MTCH1: variants seen among roughly 807,000 people sequenced by gnomAD.
MTCH1 encodes mitochondrial carrier homolog 1.
Under a neutral mutation model 49.3 loss-of-function variants are expected in MTCH1, and 23 were observed. The observed-to-expected ratio is 0.47, with a 90% CI of 0.34 to 0.66. The LOEUF is 0.66. Among genes scored for constraint, MTCH1 ranks in the 30% least tolerant of loss-of-function variants. MTCH1 has a pLI of 0.01. For synonymous variants in MTCH1, 229 were observed against 215.2 expected, an observed-to-expected ratio of 1.06 and a Z score of -0.56; for missense variants, 397 against 532.1, an observed-to-expected ratio of 0.75 and a Z score of 2.50.
At chr6:36,985,089 A>G (rs1402056627) in intron 1 of MTCH1, among the ~76,000 whole-genome samples, 1 of 104,828 alleles carries the variant, frequency 9.5e-6, no homozygotes, top group Non-Finnish European at 1.9e-5. Flanking sequence ...CTCCCCCCAT[A>G]CGCGTCACCC....
At position 36,972,064 on chromosome 6, in the gene MTCH1, TC is replaced by T. The variant is rs1241955546; in HGVS notation, c.906+587del. The stretch of plus-strand genomic sequence containing the variant: ...AGGAGGGTGTATCGGACTGTACACT[TC>T]CTAGCAGATCTGAAAAAACTCAGAG... On this transcript the variant is annotated intron_variant, in intron 8 of 11. Transcript: ENST00000373627. The surrounding 1 kb of genome is among the most constrained non-coding windows in gnomAD (Gnocchi z 4.1). Among the ~76,000 whole-genome samples the T allele has an allele frequency of 2.0e-5, 3 of 152,222 alleles. No homozygotes were observed. In the East Asian group the frequency reaches 5.8e-4, roughly 29 times the overall value.
chr6:36,983,406 A>G (rs1049056676), intron 1 of MTCH1, among the ~76,000 whole-genome samples: 1 of 152,188 alleles, frequency 6.6e-6, no homozygotes, highest in African/African-American at 2.4e-5. Flanking sequence ...TTTAGTCAAC[A>G]CTATTTGGGA....
At chr6:36,971,410 T>C (rs988397618) in intron 8 of MTCH1, among the ~76,000 whole-genome samples, 4 of 152,158 alleles carry the variant, frequency 2.6e-5, no homozygotes, top group African/African-American at 9.7e-5. Flanking sequence ...GTCAGACAGC[T>C]GCCCACCTAG....
At chr6:36,978,875 C>CTTTTTTTTTT (rs11322816) in intron 2 of MTCH1, among the ~76,000 whole-genome samples, 2 of 100,420 alleles carry the variant, frequency 2.0e-5, no homozygotes, top group Non-Finnish European at 3.7e-5. Context: ...TCCCTCCCTC[C>CTTTTTTTTTT]TTTTTTTTTT....
At chr6:36,981,767 C>G in intron 1 of MTCH1, 95 bp from the exon 2 acceptor site, 1 of 1,014,228 alleles carries the variant, frequency 9.9e-7, no homozygotes, top group Non-Finnish European at 1.4e-6. Flanking sequence ...TTGCTTAACT[C>G]TTCTCCCACA....
chr6:36,972,900 A>G lies in MTCH1; in HGVS notation c.762-104T>C. On this transcript the variant is annotated intron_variant, in intron 7 of 11. Coordinates refer to ENST00000373627, the MANE Select transcript of MTCH1 (RefSeq NM_001271641.2). This position sits in a 1 kb window ranked among gnomAD's most constrained non-coding sequence, Gnocchi z 4.1. ...AGGGATGTTCCGAGCTCAAAATCTT[A>G]GCATATCCAATGGCACAGCCTTAGA... 8.4e-7 allele frequency: 1 copy of G among 1,192,244 alleles called. No homozygotes were observed. The highest frequency in any genetic ancestry group is 1.5e-5 in the South Asian group (1 of 65,880). The allele number at this position is 1,192,244 out of a possible 1,614,324, so 73.9% of individuals were successfully genotyped here. A position where few individuals can be genotyped will look rare whatever the true frequency, so the allele number is the denominator to read the frequency against.
Position 36,972,726 on chromosome 6 carries a change from T to C in MTCH1, c.832A>G (p.Asn278Asp). Residue 278 changes from asparagine (N) to aspartate (D), a missense_variant, in exon 8 of 12, where the codon AAT becomes GAT. By Grantham distance (23) the Asn-to-Asp change is conservative. Coordinates refer to ENST00000373627, the MANE Select transcript of MTCH1 (RefSeq NM_001271641.2). The surrounding 1 kb of genome is among the most constrained non-coding windows in gnomAD (Gnocchi z 4.1). Reference protein sequence around the residue: ...WGCNLLAHFINAYLVDDSVSD... With the variant: ...WGCNLLAHFIDAYLVDDSVSD... Reference sequence around the variant, plus strand: ...ACGCTGTCATCCACCAGGTAGGCATTGATGAAGTGGGCCAGCAGGTTACAG... The same window carrying C: ...ACGCTGTCATCCACCAGGTAGGCATCGATGAAGTGGGCCAGCAGGTTACAG... 6.4e-7 allele frequency: 1 copy of C among 1,553,164 alleles called. No homozygotes were observed. The highest frequency in any genetic ancestry group is 1.2e-5 in the South Asian group (1 of 84,098).
chr6:36,968,629 G>T lies in MTCH1; in HGVS notation c.*274C>A. Reference sequence around the variant, plus strand: ...ATTCTCTGGCCCTCTGCACAAGACAGACTCAGCAAATCTGCGAGGTATGGG... The same window carrying T: ...ATTCTCTGGCCCTCTGCACAAGACATACTCAGCAAATCTGCGAGGTATGGG... On this transcript the variant is annotated 3_prime_UTR_variant, in exon 12 of 12. Coordinates refer to ENST00000373627, the MANE Select transcript of MTCH1 (RefSeq NM_001271641.2). The T allele has an allele frequency of 1.9e-6, 1 of 513,642 alleles. No individual in the cohort carries two copies. The highest frequency in any genetic ancestry group is 2.4e-5 in the Admixed American group (1 of 42,472). The allele number at this position is 513,642 out of a possible 1,614,324, so 31.8% of individuals were successfully genotyped here.
intron 11 of MTCH1, chr6:36,969,646 C>T (rs748363367): frequency 4.0e-5 from 48 of 1,189,982 alleles, no homozygotes; most frequent in African/African-American, 3.0e-4. Flanking sequence ...CAATGCCAGC[C>T]GCCCTAACAA....
rs1005577335 is a variant in MTCH1, at chr6:36,985,988, G to A, written c.186C>T (p.Ala62=). The change falls in exon 1 of 12, where the codon GCC becomes GCT. Residue 62 remains alanine, a synonymous_variant. Transcript: ENST00000373627. The part of the protein sequence containing the change: ...RHPRPAAQPS[A]RRMDGGSGGL... ...CCCCTGACCCGCCATCCATCCTGCG[G>A]GCCGAGGGCTGAGCCGCAGGCCGAG... 10 of 1,544,774 alleles carry A rather than the reference G, an allele frequency of 6.5e-6. No homozygotes were observed. In the African/African-American group the frequency reaches 1.4e-4, roughly 21 times the overall value.
intron 6 of MTCH1, among the ~76,000 whole-genome samples, chr6:36,976,932 C>G (rs987380920): frequency 6.6e-6 from 1 of 152,204 alleles, no homozygotes; most frequent in African/African-American, 2.4e-5. Context: ...GGCCAGAAAT[C>G]CTAATCCAAG....
At chr6:36,986,427 G>A (rs541447524), upstream of MTCH1, 36 of 329,136 alleles carry the variant, frequency 1.1e-4, no homozygotes, top group South Asian at 3.7e-4. Flanking sequence ...GCCGCAGGCC[G>A]GGGCGCTCCC....
chr6:36,978,236 G>A (rs915729327), intron 3 of MTCH1, 81 bp from the exon 4 acceptor site: 191 of 1,272,886 alleles, frequency 1.5e-4, no homozygotes, highest in Admixed American at 1.3e-3. Context: ...GCAGGAACCA[G>A]CTCCAAATAT....
Position 36,982,045 on chromosome 6 carries a change from G to T in MTCH1, c.322-373C>A, listed in dbSNP as rs1179893595. 6.6e-6 allele frequency among the ~76,000 whole-genome samples: 1 copy of T among 152,150 alleles called. No individual in the cohort carries two copies. Among genetic ancestry groups the T allele is most frequent in the East Asian group, 1.9e-4 (1 of 5,204 alleles). The stretch of plus-strand genomic sequence containing the variant: ...ATCTCAGTTATTCTCATCTCCAGAT[G>T]AAAAACTTCATTCCAACCTCAATTC... On this transcript the variant is annotated intron_variant, in intron 1 of 11. Transcript: ENST00000373627. The surrounding 1 kb of genome is among the most constrained non-coding windows in gnomAD (Gnocchi z 4.1).
At position 36,977,620 on chromosome 6, in the gene MTCH1, G is replaced by C. The variant is rs1201264273; in HGVS notation, c.649+14C>G. 4 of 1,570,912 alleles carry C rather than the reference G, an allele frequency of 2.5e-6. No individual in the cohort carries two copies. The highest frequency in any genetic ancestry group is 3.5e-6 in the Non-Finnish European group (4 of 1,144,934). On this transcript the variant is annotated intron_variant, in intron 5 of 11. Transcript: ENST00000373627. This position sits in a 1 kb window ranked among gnomAD's most constrained non-coding sequence, Gnocchi z 5.4. ...CAGCTTAGATACAGTCTCGGGGGAA[G>C]GGGGGTGGCTTACCATGCAGGGGGT...
At chr6:36,969,042 G>A in intron 11 of MTCH1, 68 bp from the exon 12 acceptor site, 1 of 1,580,536 alleles carries the variant, frequency 6.3e-7, no homozygotes, top group Non-Finnish European at 8.6e-7. Context: ...CGAGAGGAAG[G>A]CCAGTGTCAG....
In MTCH1 at chr6:36,986,139, G is replaced by A. The variant is rs1187658042; in HGVS notation, c.35C>T (p.Ala12Val). Reference protein sequence around the residue: ...GASDPEVAPWARGGAAGMAGA... With the variant: ...GASDPEVAPWVRGGAAGMAGA... ...CGCCATCCCCGCGGCACCGCCGCGA[G>A]CCCAGGGCGCCACTTCCGGGTCCGA... Residue 12 changes from alanine to valine, a missense_variant, in exon 1 of 12, where the codon GCT (alanine) becomes GTT (valine). Coordinates refer to ENST00000373627, the MANE Select transcript of MTCH1 (RefSeq NM_001271641.2). 8 of 1,434,714 alleles carry A rather than the reference G, an allele frequency of 5.6e-6. No homozygotes were observed. Among genetic ancestry groups the A allele is most frequent in the Non-Finnish European group, 7.3e-6 (8 of 1,102,706 alleles). 88.9% of individuals were successfully genotyped at this position (1,434,714 alleles called of 1,614,324 possible).
rs1413907295 is a variant in MTCH1, at chr6:36,977,159, G to A, written c.701+40C>T. Reference sequence around the variant, plus strand: ...CGGCCTGCCCTGGCCGACTCTGAAAGGGTAACAGGGCCACTCTGCCAGTCC... The same window carrying A: ...CGGCCTGCCCTGGCCGACTCTGAAAAGGTAACAGGGCCACTCTGCCAGTCC... On this transcript the variant is annotated intron_variant, in intron 6 of 11. Coordinates refer to ENST00000373627, the MANE Select transcript of MTCH1 (RefSeq NM_001271641.2). The surrounding 1 kb of genome is among the most constrained non-coding windows in gnomAD (Gnocchi z 5.4). 2 of 1,608,434 alleles carry A rather than the reference G, an allele frequency of 1.2e-6. No individual in the cohort carries two copies. Among genetic ancestry groups the A allele is most frequent in the African/African-American group, 1.3e-5 (1 of 74,904 alleles).
intron 7 of MTCH1, among the ~76,000 whole-genome samples, chr6:36,974,763 A>G (rs1025468435): frequency 6.6e-6 from 1 of 152,234 alleles, no homozygotes; most frequent in Non-Finnish European, 1.5e-5. Flanking sequence ...ACAAGGGGCC[A>G]TAAATAAAAA....
Sources: allele counts gnomAD v4.1 joint callset (sites outside exome capture counted in the v4.1 genomes callset), GRCh38; gene constraint gnomAD v4.1.1; non-coding constraint Gnocchi (gnomAD v3.1); transcripts MANE v1.5; gene names NCBI Gene and HGNC (gene_info 2026-07-23, HGNC 2026-07-21).